The following CCDC73 variants were observed in gnomAD, a reference collection of about 807,000 sequenced individuals.
The protein encoded by CCDC73 is coiled-coil domain-containing protein 73.
Under a neutral mutation model 116.5 loss-of-function variants are expected in CCDC73, and 95 were observed. The ratio of observed to expected loss-of-function variants is 0.82; its 90% CI spans 0.69 to 0.97. The LOEUF is 0.97. CCDC73 is among the 50% of genes least tolerant of loss of function. The pLI is 0.00. For synonymous variants in CCDC73, 398 were observed against 401.3 expected, an observed-to-expected ratio of 0.99 and a Z score of 0.10; for missense variants, 1,066 against 1,206.8, an observed-to-expected ratio of 0.88 and a Z score of 1.73.
intron 2 of CCDC73, among the ~76,000 whole-genome samples, chr11:32,751,867 A>T (rs1031051871): frequency 2.0e-5 from 3 of 152,130 alleles, no homozygotes; most frequent in African/African-American, 7.2e-5. Flanking sequence ...CCACCCTCAA[A>T]ACTTAGTAAT....
intron 3 of CCDC73, among the ~76,000 whole-genome samples, chr11:32,705,514 A>T (rs1430110547): frequency 6.6e-6 from 1 of 151,888 alleles, no homozygotes; most frequent in East Asian, 1.9e-4. Context: ...CAGCAGCCGG[A>T]CCCCACGCTC....
the CCDC73 span, among the ~76,000 whole-genome samples, chr11:32,828,001 C>G: frequency 6.6e-6 from 1 of 152,086 alleles, no homozygotes; most frequent in Non-Finnish European, 1.5e-5. Context: ...AAGAATCCAT[C>G]ATAGAAATAG....
At chr11:32,657,322 A>C (rs975122969) in intron 9 of CCDC73, among the ~76,000 whole-genome samples, 1 of 152,348 alleles carries the variant, frequency 6.6e-6, no homozygotes, top group Non-Finnish European at 1.5e-5. Context: ...ACTGCATAAA[A>C]TGACTGCTAA....
At chr11:32,801,556 G>A in the CCDC73 span, among the ~76,000 whole-genome samples, 10 of 151,686 alleles carry the variant, frequency 6.6e-5, no homozygotes, top group African/African-American at 1.5e-4. Flanking sequence ...CAGGAGAATC[G>A]CTTGAACCTG....
rs540807455 is a variant in CCDC73 at position 32,709,253 on chromosome 11, C to T, written c.208-6309G>A. ...CATCTCTGCATTCCTTGTATGAAAC[C>T]TACTTGATCATGGTGGATTATCTTT... On this transcript the variant is annotated intron_variant, in intron 3 of 17. Transcript: ENST00000335185. Among the ~76,000 whole-genome samples, 5 of 152,208 alleles carry T rather than the reference C, an allele frequency of 3.3e-5. No homozygotes were observed. The South Asian group carries it at 1.0e-3, about 32-fold the overall frequency.
intron 6 of CCDC73, among the ~76,000 whole-genome samples, chr11:32,684,315 AGT>A (rs1188571674): frequency 1.2e-4 from 18 of 152,288 alleles, no homozygotes; most frequent in African/African-American, 4.1e-4. Flanking sequence ...GCCCTCTTAT[AGT>A]GCTGAGATTA....
At chr11:32,636,152 T>C (rs1442851033) in intron 13 of CCDC73, among the ~76,000 whole-genome samples, 1 of 152,160 alleles carries the variant, frequency 6.6e-6, no homozygotes, top group Non-Finnish European at 1.5e-5. Context: ...AAGCTAAATC[T>C]GAGGACCGTG....
At chr11:32,734,955 G>C (rs1850115353) in intron 2 of CCDC73, among the ~76,000 whole-genome samples, 1 of 152,142 alleles carries the variant, frequency 6.6e-6, no homozygotes, top group Admixed American at 6.6e-5. Context: ...AAAGGCCTTT[G>C]ACAAAATTCA....
chr11:32,712,697 C>G (rs769328159), intron 3 of CCDC73, among the ~76,000 whole-genome samples: 1 of 151,892 alleles, frequency 6.6e-6, no homozygotes, highest in Non-Finnish European at 1.5e-5. Flanking sequence ...GCCAATAAGT[C>G]TGTCATATAA....
intron 13 of CCDC73, among the ~76,000 whole-genome samples, chr11:32,636,305 T>C (rs1354204696): frequency 6.6e-6 from 1 of 152,166 alleles, no homozygotes; most frequent in Non-Finnish European, 1.5e-5. Flanking sequence ...TTCTTAAAGT[T>C]TAATTTTCTT....
the CCDC73 span, among the ~76,000 whole-genome samples, chr11:32,811,391 C>G: frequency 3.9e-5 from 6 of 152,162 alleles, no homozygotes; most frequent in African/African-American, 7.2e-5. Context: ...TTCATTTTCA[C>G]TCAATATTTC....
At chr11:32,734,685 C>T (rs1850112459) in intron 2 of CCDC73, among the ~76,000 whole-genome samples, 2 of 152,058 alleles carry the variant, frequency 1.3e-5, no homozygotes, top group Non-Finnish European at 2.9e-5. Context: ...CAGCATCATC[C>T]TGATACCAAA....
intron 6 of CCDC73, among the ~76,000 whole-genome samples, chr11:32,691,513 T>C (rs892598292): frequency 1.3e-5 from 2 of 152,170 alleles, no homozygotes; most frequent in Admixed American, 6.5e-5. Flanking sequence ...TCTTCTTTGG[T>C]GAGATGTCTG....
intron 14 of CCDC73, among the ~76,000 whole-genome samples, chr11:32,622,679 A>G (rs1180815109): frequency 1.1e-4 from 16 of 151,518 alleles, no homozygotes; most frequent in Non-Finnish European, 1.5e-5. Context: ...AATTGAAAAA[A>G]AAAAAAAAGA....
intron 6 of CCDC73, among the ~76,000 whole-genome samples, chr11:32,695,106 C>T (rs970516774): frequency 3.7e-4 from 57 of 152,078 alleles, no homozygotes; most frequent in African/African-American, 1.1e-3. Context: ...TGGTGGCTCA[C>T]GCCTGTAATC....
chr11:32,612,024 G>A (rs1855426543), intron 16 of CCDC73, among the ~76,000 whole-genome samples: 1 of 152,144 alleles, frequency 6.6e-6, no homozygotes, highest in Non-Finnish European at 1.5e-5. Context: ...GGGAAATGAG[G>A]TTATACAGTG....
chr11:32,802,266 T>C, the CCDC73 span, among the ~76,000 whole-genome samples: 3 of 152,332 alleles, frequency 2.0e-5, no homozygotes, highest in East Asian at 5.8e-4. Context: ...AATTCAAAGT[T>C]TTATTTATAA....
intron 7 of CCDC73, chr11:32,682,250 T>C (rs1471108130): frequency 6.6e-6 from 1 of 152,000 alleles, no homozygotes. Context: ...TCAATTTCAC[T>C]ATATTTTGTG....
At chr11:32,819,806 A>G in the CCDC73 span, among the ~76,000 whole-genome samples, 2 of 152,144 alleles carry the variant, frequency 1.3e-5, no homozygotes, top group Non-Finnish European at 2.9e-5. Context: ...TATGTCCATT[A>G]TTTGAAAAGG....
Sources: allele counts gnomAD v4.1 joint callset (sites outside exome capture counted in the v4.1 genomes callset), GRCh38; gene constraint gnomAD v4.1.1; transcripts MANE v1.5; gene names NCBI Gene and HGNC (gene_info 2026-07-23, HGNC 2026-07-21).